Variants in ELP4 observed in about 807,000 individuals in gnomAD.
ELP4 encodes elongator complex protein 4.
Under a neutral mutation model 48.9 loss-of-function variants are expected in ELP4, and 51 were observed. That is an observed-to-expected ratio of 1.04 (90% CI 0.83 to 1.32). ELP4 has a LOEUF of 1.32. Ranked by LOEUF, ELP4 falls within the 40% of genes most tolerant of loss-of-function variation. The probability of loss-of-function intolerance (pLI) is 0.00; values close to 1 mark genes in which losing one functional copy is unlikely to be tolerated. For missense variants in ELP4, 519 were observed against 514.6 expected, an observed-to-expected ratio of 1.01 and a Z score of -0.08; for synonymous variants, 210 against 189.2, an observed-to-expected ratio of 1.11 and a Z score of -0.90.
chr11:31,650,363 T>C, intron 9 of ELP4, 142 bp downstream of exon 9: 1 of 437,478 alleles, frequency 2.3e-6, no homozygotes, highest in South Asian at 7.2e-5. Context: ...TATTTTTAAG[T>C]TCTTCTAATA....
At chr11:31,780,572 T>A (rs1948348781) in intron 9 of ELP4, 1 of 152,226 alleles carries the variant, frequency 6.6e-6, no homozygotes, top group African/African-American at 2.4e-5. Flanking sequence ...TAAATTTTTA[T>A]GCTCAGAAGT....
intron 5 of ELP4, among the ~76,000 whole-genome samples, chr11:31,612,438 C>A (rs1048039211): frequency 1.3e-5 from 2 of 152,094 alleles, no homozygotes; most frequent in African/African-American, 4.8e-5. Context: ...GCCAGTCTAT[C>A]AGATTGTGTG....
intron 9 of ELP4, among the ~76,000 whole-genome samples, chr11:31,661,124 C>G (rs1945546924): frequency 1.3e-5 from 2 of 151,938 alleles, no homozygotes; most frequent in African/African-American, 2.4e-5. Context: ...CATATTCAGA[C>G]ACAGCAACCA....
At chr11:31,551,819 C>T (rs1291328210) in intron 3 of ELP4, among the ~76,000 whole-genome samples, 1 of 152,092 alleles carries the variant, frequency 6.6e-6, no homozygotes, top group Non-Finnish European at 1.5e-5. Context: ...TACATTACCT[C>T]CTCTTTTATG....
At chr11:31,572,887 C>T (rs971443553) in intron 3 of ELP4, among the ~76,000 whole-genome samples, 1 of 152,088 alleles carries the variant, frequency 6.6e-6, no homozygotes, top group African/African-American at 2.4e-5. Context: ...CACATGTAGT[C>T]CTAGCTCCTC....
intron 9 of ELP4, among the ~76,000 whole-genome samples, chr11:31,747,415 G>A (rs1376753206): frequency 6.6e-6 from 1 of 152,108 alleles, no homozygotes; most frequent in Non-Finnish European, 1.5e-5. Context: ...AGTGTGGAGA[G>A]GGGAGGGTGG....
intron 9 of ELP4, among the ~76,000 whole-genome samples, chr11:31,736,830 A>G (rs879269166): frequency 6.6e-6 from 1 of 151,988 alleles, no homozygotes; most frequent in Admixed American, 6.6e-5. Context: ...GGTGCTGGAG[A>G]GGATGTGGAG....
At chr11:31,635,248 C>T (rs143071327) in intron 7 of ELP4, among the ~76,000 whole-genome samples, 33 of 151,932 alleles carry the variant, frequency 2.2e-4, no homozygotes, top group South Asian at 4.2e-4. Context: ...CAAAGATGTA[C>T]GAATACATAT....
chr11:31,525,561 C>T (rs180868095), intron 2 of ELP4, among the ~76,000 whole-genome samples: 4 of 152,218 alleles, frequency 2.6e-5, no homozygotes, highest in Admixed American at 2.6e-4. Context: ...AGGATATCAA[C>T]AGAGTATGCC....
intron 7 of ELP4, among the ~76,000 whole-genome samples, chr11:31,640,386 G>A (rs779991127): frequency 1.1e-4 from 16 of 151,828 alleles, no homozygotes; most frequent in South Asian, 2.1e-4. Flanking sequence ...AAAGATTACC[G>A]TCATCAAATG....
chr11:31,731,625 A>G (rs1001087683), intron 9 of ELP4, among the ~76,000 whole-genome samples: 1 of 143,324 alleles, frequency 7.0e-6, no homozygotes, highest in Admixed American at 6.9e-5. Context: ...GAGAGAAAAA[A>G]GGAGGCAGAA....
chr11:31,739,767 C>T (rs1947405701), intron 9 of ELP4, among the ~76,000 whole-genome samples: 1 of 152,072 alleles, frequency 6.6e-6, no homozygotes, highest in Non-Finnish European at 1.5e-5. Flanking sequence ...CACACTAAAC[C>T]TCCTCTCAAG....
Position 31,627,265 on chromosome 11 carries a change from G to A in ELP4, c.738+71G>A, listed in dbSNP as rs866676790. On this transcript the variant is annotated intron_variant, in intron 6 of 9. Transcript: ENST00000640961. ...GTTTTCAAATTCTCTGGGGGGGGGG[G>A]CGGGAACCCAGAAGTTTTAGAATAA... 7 of 145,698 alleles carry A rather than the reference G, an allele frequency of 4.8e-5. 2 individuals are homozygous for A. The highest frequency in any genetic ancestry group is 1.1e-4 in the South Asian group (1 of 8,952). The allele number at this position is 145,698 out of a possible 1,614,324, so 9.0% of individuals were successfully genotyped here. A position where few individuals can be genotyped will look rare whatever the true frequency, so the allele number is the denominator to read the frequency against.
At chr11:31,779,105 G>A (rs779201065) in intron 9 of ELP4, among the ~76,000 whole-genome samples, 18 of 152,126 alleles carry the variant, frequency 1.2e-4, no homozygotes, top group Non-Finnish European at 2.2e-4. Context: ...GTGATCCTGA[G>A]CAATACAAAT....
intron 9 of ELP4, among the ~76,000 whole-genome samples, chr11:31,701,034 T>G (rs1946511601): frequency 6.6e-6 from 1 of 152,100 alleles, no homozygotes; most frequent in African/African-American, 2.4e-5. Context: ...GCAGTACCTT[T>G]TTAAAATCTG....
chr11:31,718,356 T>G (rs1946884171), intron 9 of ELP4, among the ~76,000 whole-genome samples: 1 of 152,226 alleles, frequency 6.6e-6, no homozygotes. Flanking sequence ...GCTTTCTGGT[T>G]TGCTTTGCAG....
chr11:31,790,146 G>C lies in ELP4; in HGVS notation c.*6622G>C. 1.5e-6 allele frequency: 1 copy of C among 685,084 alleles called. No individual in the cohort carries two copies. The highest frequency in any genetic ancestry group is 2.0e-5 in the African/African-American group (1 of 51,046). 42.4% of individuals were successfully genotyped at this position (685,084 alleles called of 1,614,324 possible). ...CTAATACTTTCTAACATTTTTTACT[G>C]TATTAAAATCACTTCAATTGTTACA... On this transcript the variant is annotated 3_prime_UTR_variant, in exon 10 of 10. Coordinates refer to ENST00000640961, the MANE Select transcript of ELP4 (RefSeq NM_019040.5).
At chr11:31,664,739 CA>C (rs1451876510) in intron 9 of ELP4, among the ~76,000 whole-genome samples, 1 of 151,892 alleles carries the variant, frequency 6.6e-6, no homozygotes, top group African/African-American at 2.4e-5. Context: ...AAAAATTAAA[CA>C]AATTTTTAAA....
intron 9 of ELP4, among the ~76,000 whole-genome samples, chr11:31,759,731 G>A (rs549542843): frequency 2.0e-5 from 3 of 149,694 alleles, no homozygotes; most frequent in African/African-American, 7.4e-5. Flanking sequence ...TTTTGAGACG[G>A]AGTCTCGCTC....
Sources: allele counts gnomAD v4.1 joint callset (sites outside exome capture counted in the v4.1 genomes callset), GRCh38; gene constraint gnomAD v4.1.1; transcripts MANE v1.5; gene names NCBI Gene and HGNC (gene_info 2026-07-23, HGNC 2026-07-21).